Variants in TENM2 observed in about 807,000 individuals in gnomAD.
TENM2 encodes teneurin-2.
TENM2 carries 52 observed loss-of-function variants against 245.2 expected under a neutral mutation model. The ratio of observed to expected loss-of-function variants is 0.21; its 90% CI spans 0.17 to 0.27. The LOEUF is 0.27. TENM2 is among the 10% of genes least tolerant of loss of function. TENM2 has a pLI of 1.00. For missense variants in TENM2, 3,046 were observed against 3,666.8 expected, an observed-to-expected ratio of 0.83 and a Z score of 4.37; for synonymous variants, 1,363 against 1,438.9, an observed-to-expected ratio of 0.95 and a Z score of 1.19.
At chr5:167,164,886 A>C in the TENM2 span, 1 of 152,234 alleles carries the variant, frequency 6.6e-6, no homozygotes, top group African/African-American at 2.4e-5. Context: ...TGTACTTCAC[A>C]TAATTTATCT....
At chr5:168,198,724 T>C (rs1231312453) in intron 15 of TENM2, 129 bp from the exon 18 acceptor site, 9 of 1,196,388 alleles carry the variant, frequency 7.5e-6, no homozygotes, top group Non-Finnish European at 1.1e-5. Context: ...GCCCCACCTG[T>C]CTGCCTCCAA....
intron 13 of TENM2, among the ~76,000 whole-genome samples, chr5:168,182,895 A>G (rs931607919): frequency 4.3e-4 from 62 of 142,764 alleles, no homozygotes; most frequent in Middle Eastern, 3.6e-3. Context: ...CAGTGATGCA[A>G]TTGGGCCTCA....
chr5:167,999,807 G>C (rs946055970), intron 5 of TENM2, among the ~76,000 whole-genome samples: 2 of 152,210 alleles, frequency 1.3e-5, no homozygotes, highest in Non-Finnish European at 2.9e-5. Context: ...CTGGTGATGA[G>C]AGCCAGGAAA....
chr5:167,248,432 G>A, the TENM2 span, among the ~76,000 whole-genome samples: 3 of 151,934 alleles, frequency 2.0e-5, no homozygotes, highest in African/African-American at 4.8e-5. Context: ...TGCAGGCCCC[G>A]CCCCCAGATT....
At chr5:168,064,790 G>A (rs1367450135) in intron 7 of TENM2, among the ~76,000 whole-genome samples, 2 of 152,162 alleles carry the variant, frequency 1.3e-5, no homozygotes, top group Non-Finnish European at 2.9e-5. Context: ...GTGTTGAGGG[G>A]TCAAGTAAGC....
At chr5:167,876,080 A>G in exon 3 of TENM2, 1 of 1,551,324 alleles carries the variant, frequency 6.4e-7, no homozygotes, top group Non-Finnish European at 8.7e-7. Context: ...GCCAGATGCC[A>G]TTGCTAGACA....
intron 2 of TENM2, among the ~76,000 whole-genome samples, chr5:167,648,361 C>G (rs550805302): frequency 6.6e-6 from 1 of 152,278 alleles, no homozygotes; most frequent in African/African-American, 2.4e-5. Context: ...AGGAATTCTA[C>G]TATTTGTTGA....
chr5:167,741,847 A>G (rs918563069), intron 2 of TENM2, among the ~76,000 whole-genome samples: 8 of 152,112 alleles, frequency 5.3e-5, no homozygotes, highest in Non-Finnish European at 1.0e-4. Flanking sequence ...ACCCTCATGC[A>G]TTCGGCACCT....
chr5:167,652,974 G>A (rs1582658764), intron 2 of TENM2, among the ~76,000 whole-genome samples: 1 of 152,076 alleles, frequency 6.6e-6, no homozygotes, highest in Admixed American at 6.6e-5. Context: ...AATGCAACCT[G>A]ACCCTGATTA....
intron 2 of TENM2, among the ~76,000 whole-genome samples, chr5:167,827,577 G>A (rs1271823048): frequency 1.7e-5 from 2 of 120,200 alleles, no homozygotes; most frequent in African/African-American, 3.2e-5. Flanking sequence ...AGGAACCAAA[G>A]TCATTAAAGA....
intron 5 of TENM2, among the ~76,000 whole-genome samples, chr5:168,002,692 G>A (rs1438496007): frequency 1.3e-5 from 2 of 152,202 alleles, no homozygotes; most frequent in Non-Finnish European, 2.9e-5. Context: ...AGAGAATTAT[G>A]AGTTAAGACT....
At chr5:167,679,364 G>T (rs987961120) in intron 2 of TENM2, among the ~76,000 whole-genome samples, 1 of 152,012 alleles carries the variant, frequency 6.6e-6, no homozygotes, top group Non-Finnish European at 1.5e-5. Context: ...CAAAGCTCTG[G>T]CTGTTAAAAT....
At chr5:167,030,819 A>T in the TENM2 span, among the ~76,000 whole-genome samples, 1 of 152,156 alleles carries the variant, frequency 6.6e-6, no homozygotes, top group African/African-American at 2.4e-5. Flanking sequence ...ATTACTGCTG[A>T]TGCCTGCCAG....
chr5:168,105,663 G>A (rs1794183253), intron 9 of TENM2, among the ~76,000 whole-genome samples: 1 of 152,130 alleles, frequency 6.6e-6, no homozygotes. Flanking sequence ...CATTAATTGA[G>A]CAACTTAATA....
chr5:167,585,904 C>T (rs935967564), intron 2 of TENM2, among the ~76,000 whole-genome samples: 11 of 152,048 alleles, frequency 7.2e-5, no homozygotes, highest in African/African-American at 2.7e-4. Flanking sequence ...GCGGGTGGAT[C>T]ACTTGAGTTT....
intron 2 of TENM2, among the ~76,000 whole-genome samples, chr5:167,674,737 G>A (rs1409334294): frequency 4.6e-5 from 7 of 152,024 alleles, no homozygotes; most frequent in South Asian, 2.1e-4. Context: ...AATGTGGATC[G>A]TGCAAGAGTA....
Position 168,201,986 on chromosome 5 carries a change from T to C in TENM2, c.3431-1703T>C, listed in dbSNP as rs375576962. 1.1e-4 allele frequency among the ~76,000 whole-genome samples: 17 copies of C among 152,218 alleles called. 1 individual carries two copies. In the East Asian group the frequency reaches 1.3e-3, roughly 12 times the overall value. On this transcript the variant is annotated intron_variant, in intron 17 of 28. Transcript: ENST00000518659. ...GCTTTCTCAGGTTCAGGTTTGATTTTTTGATTTTTTGTTTTGGCAGAACAA... is the reference window on the plus strand; with the variant it reads ...GCTTTCTCAGGTTCAGGTTTGATTTCTTGATTTTTTGTTTTGGCAGAACAA...
the TENM2 span, among the ~76,000 whole-genome samples, chr5:167,167,444 A>C: frequency 2.6e-5 from 4 of 152,128 alleles, no homozygotes; most frequent in Admixed American, 6.5e-5. Flanking sequence ...TCATAAACTC[A>C]GCTCCGGATC....
intron 2 of TENM2, among the ~76,000 whole-genome samples, chr5:167,475,227 C>T (rs776608162): frequency 4.6e-5 from 7 of 152,012 alleles, no homozygotes; most frequent in African/African-American, 7.2e-5. Flanking sequence ...GAATTAAATA[C>T]GTTGAAGAAT....
Sources: allele counts gnomAD v4.1 joint callset (sites outside exome capture counted in the v4.1 genomes callset), GRCh38; gene constraint gnomAD v4.1.1; transcripts MANE v1.5; gene names NCBI Gene and HGNC (gene_info 2026-07-23, HGNC 2026-07-21).